MAPK10: variants seen among roughly 807,000 people sequenced by gnomAD.
MAPK10 encodes the protein JNK3 alpha protein kinase.
MAPK10 carries 25 observed loss-of-function variants against 59.3 expected under a neutral mutation model. The observed-to-expected ratio is 0.42, with a 90% confidence interval of 0.31 to 0.59. MAPK10 has a LOEUF of 0.59. Ranked by LOEUF, MAPK10 falls within the 20% of genes least tolerant of loss-of-function variation. MAPK10 has a pLI of 0.15. For missense variants in MAPK10, 351 were observed against 568.9 expected (o/e 0.62, Z 3.90); for synonymous variants, 190 against 200.5 (o/e 0.95, Z 0.44).
chr4:86,140,833 T>G (rs1351409596), intron 4 of MAPK10, among the ~76,000 whole-genome samples: 1 of 152,086 alleles, frequency 6.6e-6, no homozygotes, highest in Admixed American at 6.6e-5. Context: ...AGAGACTTAG[T>G]AATTACTTCC....
chr4:86,502,503 A>G (rs1373794853), intron 1 of MAPK10, among the ~76,000 whole-genome samples: 1 of 151,990 alleles, frequency 6.6e-6, no homozygotes, highest in Non-Finnish European at 1.5e-5. Context: ...AAACTCACAA[A>G]ACTTCTTGTT....
At chr4:86,118,167 T>C (rs1476360581) in intron 4 of MAPK10, among the ~76,000 whole-genome samples, 1 of 152,246 alleles carries the variant, frequency 6.6e-6, no homozygotes, top group Non-Finnish European at 1.5e-5. Context: ...TCCTCAGTGA[T>C]TACTGGCAGA....
At chr4:86,252,476 T>TA (rs1001919650) in intron 2 of MAPK10, among the ~76,000 whole-genome samples, 1 of 140,348 alleles carries the variant, frequency 7.1e-6, no homozygotes, top group African/African-American at 2.9e-5. Flanking sequence ...AAAGATCAGA[T>TA]AGTTGTAGGT....
At chr4:86,352,983 A>C (rs997966937) in intron 2 of MAPK10, among the ~76,000 whole-genome samples, 1 of 152,110 alleles carries the variant, frequency 6.6e-6, no homozygotes, top group African/African-American at 2.4e-5. Context: ...ATTCCCACAC[A>C]ATCATGCTCT....
chr4:86,248,304 C>T (rs772245084), intron 2 of MAPK10, among the ~76,000 whole-genome samples: 4 of 152,128 alleles, frequency 2.6e-5, no homozygotes, highest in East Asian at 1.9e-4. Context: ...ATGTTAAATT[C>T]GTTTGTTAAC....
chr4:86,389,403 CTT>C (rs551191333), intron 1 of MAPK10, among the ~76,000 whole-genome samples: 165 of 152,292 alleles, frequency 1.1e-3, no homozygotes, highest in Non-Finnish European at 1.3e-3. Flanking sequence ...TTGTAATAAA[CTT>C]AATAATACTA....
intron 3 of MAPK10, among the ~76,000 whole-genome samples, chr4:86,185,826 T>G (rs2078084904): frequency 6.6e-6 from 1 of 152,152 alleles, no homozygotes; most frequent in South Asian, 2.1e-4. Flanking sequence ...TATCAGTTAC[T>G]GAACTGGAGT....
intron 1 of MAPK10, among the ~76,000 whole-genome samples, chr4:86,440,874 C>T (rs1378754307): frequency 6.6e-6 from 1 of 152,058 alleles, no homozygotes; most frequent in South Asian, 2.1e-4. Context: ...CACAGAGTAA[C>T]AAATATAATA....
intron 1 of MAPK10, among the ~76,000 whole-genome samples, chr4:86,511,340 T>C (rs1756220641): frequency 6.6e-6 from 1 of 151,816 alleles, no homozygotes; most frequent in African/African-American, 2.4e-5. Context: ...GTGGATTGCA[T>C]GAGCTCAGGA....
chr4:86,052,047 T>G (rs1171093641), intron 11 of MAPK10, among the ~76,000 whole-genome samples: 1 of 152,192 alleles, frequency 6.6e-6, no homozygotes, highest in Non-Finnish European at 1.5e-5. Flanking sequence ...AATACCATTT[T>G]AAAATTGTCA....
chr4:86,306,272 A>G (rs1204078239), intron 2 of MAPK10, among the ~76,000 whole-genome samples: 1 of 152,260 alleles, frequency 6.6e-6, no homozygotes, highest in Non-Finnish European at 1.5e-5. Flanking sequence ...AAATCTATTT[A>G]ATATCTTCCT....
rs190260884 is a variant in MAPK10 at position 86,087,709 on chromosome 4, C to A, written c.802+10815G>T. ...CTGAAGTATTTTAAGTCCTTTCTTC[C>A]AACAAAAATTGAGTGCCTAATACAG... On this transcript the variant is annotated intron_variant, in intron 9 of 13. Coordinates refer to ENST00000641462, the MANE Select transcript of MAPK10 (RefSeq NM_138982.4). 4.0e-3 allele frequency among the ~76,000 whole-genome samples: 613 copies of A among 152,012 alleles called. 1 individual carries two copies. The highest frequency in any genetic ancestry group is 3.9e-3 in the Non-Finnish European group (264 of 67,932).
chr4:86,316,626 T>G (rs887145456), intron 2 of MAPK10, among the ~76,000 whole-genome samples: 8 of 152,186 alleles, frequency 5.3e-5, no homozygotes, highest in Admixed American at 5.2e-4. Flanking sequence ...GCATTTTGCT[T>G]TTATTAAGAT....
intron 1 of MAPK10, among the ~76,000 whole-genome samples, chr4:86,415,643 T>C (rs1745772893): frequency 6.6e-6 from 1 of 152,210 alleles, no homozygotes; most frequent in Non-Finnish European, 1.5e-5. Context: ...AAAATATAGT[T>C]GATATCTGGA....
intron 1 of MAPK10, among the ~76,000 whole-genome samples, chr4:86,501,351 T>C (rs922456586): frequency 7.9e-5 from 12 of 151,978 alleles, no homozygotes; most frequent in African/African-American, 2.9e-4. Context: ...AATAAGCATA[T>C]ATTAATATTG....
intron 2 of MAPK10, among the ~76,000 whole-genome samples, chr4:86,348,223 G>T (rs11736313): frequency 0.73 from 111,340 of 152,048 alleles, 41,370 homozygotes; most frequent in South Asian, 0.9. Flanking sequence ...CTACAAAGAA[G>T]ACAGCACAGT....
intron 3 of MAPK10, among the ~76,000 whole-genome samples, chr4:86,161,837 T>C (rs756856009): frequency 6.6e-6 from 1 of 152,078 alleles, no homozygotes; most frequent in African/African-American, 2.4e-5. Flanking sequence ...TAATGTTGTA[T>C]TGTGGCACGG....
chr4:86,457,590 A>G (rs542245374), upstream of MAPK10, among the ~76,000 whole-genome samples: 1 of 152,322 alleles, frequency 6.6e-6, no homozygotes, highest in Admixed American at 6.5e-5. Flanking sequence ...AATTACGAAT[A>G]TACCTAACCA....
intron 4 of MAPK10, among the ~76,000 whole-genome samples, chr4:86,151,412 G>A (rs2066447008): frequency 1.3e-5 from 2 of 152,252 alleles, no homozygotes; most frequent in Admixed American, 1.3e-4. Context: ...AGGAACAAGG[G>A]CCCAGCTGAG....
Sources: allele counts gnomAD v4.1 joint callset (sites outside exome capture counted in the v4.1 genomes callset), GRCh38; gene constraint gnomAD v4.1.1; transcripts MANE v1.5; gene names NCBI Gene and HGNC (gene_info 2026-07-23, HGNC 2026-07-21).